Variants in CDX2 observed in about 807,000 individuals in gnomAD.
The protein encoded by CDX2 is caudal type homeobox 2.
In CDX2, 7 loss-of-function variants were observed where a neutral mutation model predicts 25.5. The ratio of observed to expected loss-of-function variants is 0.27; its 90% CI spans 0.16 to 0.52. The LOEUF (loss-of-function observed/expected upper bound fraction) is 0.52, where lower values mean the gene tolerates loss of function less well. Among genes scored for constraint, CDX2 ranks in the 20% least tolerant of loss-of-function variants. CDX2 has a pLI of 0.97. For missense variants in CDX2, 375 were observed against 431.4 expected, an observed-to-expected ratio of 0.87 and a Z score of 1.16; for synonymous variants, 222 against 198.6, an observed-to-expected ratio of 1.12 and a Z score of -0.99.
rs1315542807 is a variant in CDX2 at position 27,963,046 on chromosome 13, GA to G, written c.*68del. 1.3e-6 allele frequency: 2 copies of G among 1,524,562 alleles called. No homozygotes were observed. Among genetic ancestry groups the G allele is most frequent in the African/African-American group, 2.7e-5 (2 of 72,806 alleles). The allele number at this position is 1,524,562 out of a possible 1,614,324, so 94.4% of individuals were successfully genotyped here. A position where few individuals can be genotyped will look rare whatever the true frequency, so the allele number is the denominator to read the frequency against. ...TGGGAGGGGAGGGGTCTCTCCTGAG[GA>G]GTCTAGCAGAGTCCACGCTCCTCAT... is the stretch of plus-strand genomic sequence containing the variant. On this transcript the variant is annotated 3_prime_UTR_variant, in exon 3 of 3. Coordinates refer to ENST00000381020, the MANE Select transcript of CDX2 (RefSeq NM_001265.6).
chr13:27,964,731 AG>A lies in CDX2; in HGVS notation c.687+138del. 2 of 544,888 alleles carry A rather than the reference AG, an allele frequency of 3.7e-6. No individual in the cohort carries two copies. Among genetic ancestry groups the A allele is most frequent in the Non-Finnish European group, 6.2e-6 (2 of 320,880 alleles). 33.8% of individuals were successfully genotyped at this position (544,888 alleles called of 1,614,324 possible). ...TTTAAAAAAAAAAAAAAAAAAAAAA[AG>A]GACTCCAAAGACGAATGCTTGCATC... On this transcript the variant is annotated intron_variant, in intron 2 of 2. Transcript: ENST00000381020. This position sits in a 1 kb window ranked among gnomAD's most constrained non-coding sequence, Gnocchi z 4.7.
intron 1 of CDX2, among the ~76,000 whole-genome samples, chr13:27,966,090 T>G (rs1013983581): frequency 1.3e-5 from 2 of 151,704 alleles, no homozygotes; most frequent in African/African-American, 4.9e-5. Context: ...CAGAGGGAGC[T>G]CCCCCGAGCC....
chr13:27,964,788 TG>T lies in CDX2; in HGVS notation c.687+81del. The T allele has an allele frequency of 7.7e-7, 1 of 1,306,390 alleles. No homozygotes were observed. The highest frequency in any genetic ancestry group is 1.1e-6 in the Non-Finnish European group (1 of 919,624). The allele number at this position is 1,306,390 out of a possible 1,614,324, so 80.9% of individuals were successfully genotyped here. On this transcript the variant is annotated intron_variant, in intron 2 of 2. Transcript: ENST00000381020. The surrounding 1 kb of genome is among the most constrained non-coding windows in gnomAD (Gnocchi z 4.7). Reference sequence around the variant, plus strand: ...GCTTCAGTCTCTCCACAGATTTAGATGGCCCCTGCAGCCAGATTTTCTAACT... The same window carrying T: ...GCTTCAGTCTCTCCACAGATTTAGATGCCCCTGCAGCCAGATTTTCTAACT...
At chr13:27,965,629 C>T (rs1869280511) in intron 1 of CDX2, among the ~76,000 whole-genome samples, 1 of 152,216 alleles carries the variant, frequency 6.6e-6, no homozygotes, top group Non-Finnish European at 1.5e-5. Context: ...ACACTTTATA[C>T]CTGCCCAGAC....
In CDX2 at chr13:27,964,975, C is replaced by T. The variant is rs886131493; in HGVS notation, c.582G>A (p.Thr194=). 6 of 1,613,924 alleles carry T rather than the reference C, an allele frequency of 3.7e-6. No homozygotes were observed. The highest frequency in any genetic ancestry group is 3.3e-4 in the Middle Eastern group (2 of 6,084). ...RTKDKYRVVY[T]DHQRLELEKE... is the part of the protein sequence containing the mutation. ...TCTCCAGCTCCAGCCGCTGGTGGTC[C>T]GTGTACACCACTCGATATTTGTCTT... is the stretch of plus-strand genomic sequence containing the variant. Residue 194 remains threonine (T), a synonymous_variant, in exon 2 of 3, where the codon ACG becomes ACA. Coordinates refer to ENST00000381020, the MANE Select transcript of CDX2 (RefSeq NM_001265.6). The surrounding 1 kb of genome is among the most constrained non-coding windows in gnomAD (Gnocchi z 4.7).
chr13:27,967,365 GGC>G (rs1869385899), intron 1 of CDX2: 1 of 523,814 alleles, frequency 1.9e-6, no homozygotes, highest in African/African-American at 1.9e-5. Context: ...GCCCCCAAAG[GGC>G]GCTTTGATTT....
chr13:27,963,820 T>C (rs997932654), intron 2 of CDX2, among the ~76,000 whole-genome samples: 2 of 152,196 alleles, frequency 1.3e-5, no homozygotes, highest in African/African-American at 4.8e-5. Flanking sequence ...GGCTGTGAAG[T>C]TGGCCTGTTT....
At chr13:27,965,093 C>A in intron 1 of CDX2, 78 bp from the exon 2 acceptor site, 1 of 1,463,868 alleles carries the variant, frequency 6.8e-7, no homozygotes, top group Non-Finnish European at 9.4e-7. Context: ...CCTCCCTAAC[C>A]CAGGGACATT....
At chr13:27,968,313 C>G (rs939577734) in intron 1 of CDX2, among the ~76,000 whole-genome samples, 153 bp downstream of exon 1, 3 of 152,258 alleles carry the variant, frequency 2.0e-5, no homozygotes, top group African/African-American at 7.2e-5. Context: ...GCCAGAGGCC[C>G]CCGAATTTGT....
intron 1 of CDX2, among the ~76,000 whole-genome samples, chr13:27,966,882 T>G (rs1204114714): frequency 1.3e-5 from 2 of 150,742 alleles, no homozygotes; most frequent in African/African-American, 2.4e-5. Context: ...CCCCACACCT[T>G]GACAGATGAC....
intron 1 of CDX2, chr13:27,967,240 A>T: frequency 2.0e-6 from 1 of 498,688 alleles, no homozygotes; most frequent in Non-Finnish European, 4.0e-6. Context: ...GGACCAAGCC[A>T]AAGCTCTGAG....
chr13:27,965,716 A>G (rs1869286044), intron 1 of CDX2, among the ~76,000 whole-genome samples: 1 of 152,216 alleles, frequency 6.6e-6, no homozygotes, highest in Non-Finnish European at 1.5e-5. Context: ...AGTTATCCTG[A>G]CCAGTGATCT....
chr13:27,961,117 G>T lies in CDX2; in HGVS notation c.*1998C>A, dbSNP rs1367868588. On this transcript the variant is annotated 3_prime_UTR_variant, in exon 3 of 3. Coordinates refer to ENST00000381020, the MANE Select transcript of CDX2 (RefSeq NM_001265.6). The stretch of plus-strand genomic sequence containing the variant: ...CCGGACACGGCTTCCTCCTCTGCCC[G>T]GCACCCCCCGACCCCACGCCCCGCA... Among the ~76,000 whole-genome samples, 3 of 151,940 alleles carry T rather than the reference G, an allele frequency of 2.0e-5. No homozygotes were observed. The highest frequency in any genetic ancestry group is 4.4e-5 in the Non-Finnish European group (3 of 67,964).
At position 27,968,446 on chromosome 13, in the gene CDX2, G is replaced by T; in HGVS notation, c.541+20C>A. The T allele has an allele frequency of 1.3e-6, 2 of 1,497,774 alleles. No homozygotes were observed. The highest frequency in any genetic ancestry group is 1.8e-6 in the Non-Finnish European group (2 of 1,138,676). 92.8% of individuals were successfully genotyped at this position (1,497,774 alleles called of 1,614,324 possible). A position where few individuals can be genotyped will look rare whatever the true frequency, so the allele number is the denominator to read the frequency against. ...CGCGCCTTCCCAAGCACCCTCCGAAGGGGCGCAGCCTCTGCTTACCTTGGC... is the reference window on the plus strand; with the variant it reads ...CGCGCCTTCCCAAGCACCCTCCGAATGGGCGCAGCCTCTGCTTACCTTGGC... On this transcript the variant is annotated intron_variant, in intron 1 of 2. Transcript: ENST00000381020.
rs74792463 is a variant in CDX2 at position 27,962,649 on chromosome 13, C to G, written c.*466G>C. On this transcript the variant is annotated 3_prime_UTR_variant, in exon 3 of 3. Transcript: ENST00000381020. ...TTCCGCAGTGTAAACCTTGCCTGCC[C>G]GGAGGCAGGAGGCCCAGCTGGACCT... The G allele has an allele frequency of 4.2e-6, 1 of 235,636 alleles. No homozygotes were observed. The highest frequency in any genetic ancestry group is 8.4e-6 in the Non-Finnish European group (1 of 119,546). The allele number at this position is 235,636 out of a possible 1,614,324, so 14.6% of individuals were successfully genotyped here. A position where few individuals can be genotyped will look rare whatever the true frequency, so the allele number is the denominator to read the frequency against.
At chr13:27,967,977 C>T (rs948454847) in intron 1 of CDX2, among the ~76,000 whole-genome samples, 1 of 152,160 alleles carries the variant, frequency 6.6e-6, no homozygotes, top group Non-Finnish European at 1.5e-5. Context: ...AGCCATCCTC[C>T]GACCCCCCCA....
intron 1 of CDX2, among the ~76,000 whole-genome samples, chr13:27,966,910 G>A (rs902877914): frequency 2.3e-5 from 3 of 133,254 alleles, no homozygotes; most frequent in Admixed American, 7.8e-5. Context: ...AGAGGAGCCC[G>A]GCTCCGGCCC....
At position 27,961,391 on chromosome 13, in the gene CDX2, C is replaced by T. The variant is rs1442958708; in HGVS notation, c.*1724G>A. On this transcript the variant is annotated 3_prime_UTR_variant, in exon 3 of 3. Coordinates refer to ENST00000381020, the MANE Select transcript of CDX2 (RefSeq NM_001265.6). Reference sequence around the variant, plus strand: ...TCGAAACGAAGGGCTAAGCCCCCCTCGCCCGGGTCCTGCCGGAAAGTTCAG... The same window carrying T: ...TCGAAACGAAGGGCTAAGCCCCCCTTGCCCGGGTCCTGCCGGAAAGTTCAG... Among the ~76,000 whole-genome samples, 1 of 152,248 alleles carries T rather than the reference C, an allele frequency of 6.6e-6. No homozygotes were observed. The highest frequency in any genetic ancestry group is 2.4e-5 in the African/African-American group (1 of 41,466).
chr13:27,968,530 G>A lies in CDX2; in HGVS notation c.477C>T (p.Gly159=), dbSNP rs1254210364. Reference sequence around the variant, plus strand: ...ACTCGCACAGGTTCCGCCGCTGGCCGCCGGGAGACAGCTGCTCGGCGGCAG... The same window carrying A: ...ACTCGCACAGGTTCCGCCGCTGGCCACCGGGAGACAGCTGCTCGGCGGCAG... ...ATAAAEQLSP[G]GQRRNLCEWM... is the part of the protein sequence containing the mutation. Residue 159 remains glycine (G), a synonymous_variant, in exon 1 of 3, where the codon GGC becomes GGT. Coordinates refer to ENST00000381020, the MANE Select transcript of CDX2 (RefSeq NM_001265.6). The A allele has an allele frequency of 2.6e-6, 4 of 1,563,586 alleles. No homozygotes were observed. Among genetic ancestry groups the A allele is most frequent in the African/African-American group, 2.8e-5 (2 of 70,626 alleles).
Sources: gnomAD v4.1 joint callset for allele counts (sites outside exome capture counted in the v4.1 genomes callset) on GRCh38, gnomAD v4.1.1 for gene constraint, Gnocchi (gnomAD v3.1) non-coding constraint, MANE v1.5 for transcripts, NCBI Gene and HGNC (gene_info 2026-07-23, HGNC 2026-07-21) for gene names.